The following SPAG16 variants were observed in gnomAD, a reference collection of about 807,000 sequenced individuals.
The protein encoded by SPAG16 is sperm associated antigen 16.
Under a neutral mutation model 80.4 loss-of-function variants are expected in SPAG16, and 86 were observed. The observed-to-expected ratio is 1.07, with a 90% CI of 0.90 to 1.28. SPAG16 has a LOEUF of 1.28. Ranked by LOEUF, SPAG16 falls within the 50% of genes most tolerant of loss-of-function variation. The probability of loss-of-function intolerance (pLI) is 0.00; values close to 1 mark genes in which losing one functional copy is unlikely to be tolerated. For synonymous variants in SPAG16, 294 were observed against 265.9 expected (o/e 1.11, Z -1.03); for missense variants, 870 against 765.3 (o/e 1.14, Z -1.61).
At chr2:214,063,782 C>A (rs909603567) in intron 13 of SPAG16, among the ~76,000 whole-genome samples, 1 of 152,024 alleles carries the variant, frequency 6.6e-6, no homozygotes, top group African/African-American at 2.4e-5. Flanking sequence ...TGAGGCCATG[C>A]CAGATTACTT....
intron 15 of SPAG16, among the ~76,000 whole-genome samples, chr2:214,166,772 G>A (rs1383873407): frequency 6.6e-6 from 1 of 152,100 alleles, no homozygotes; most frequent in African/African-American, 2.4e-5. Context: ...TCTGAGAAGT[G>A]TTTTGCCTTT....
At chr2:213,947,037 C>T (rs927711623) in intron 12 of SPAG16, among the ~76,000 whole-genome samples, 1 of 151,848 alleles carries the variant, frequency 6.6e-6, no homozygotes, top group South Asian at 2.1e-4. Flanking sequence ...TAGTTCCTTC[C>T]TTTTTATTGC....
chr2:213,804,213 G>A (rs1289120779), intron 10 of SPAG16, among the ~76,000 whole-genome samples: 2 of 152,170 alleles, frequency 1.3e-5, no homozygotes, highest in Non-Finnish European at 2.9e-5. Context: ...ACATAGTCAA[G>A]TAATTACACA....
At chr2:214,171,382 T>C (rs913581972) in intron 15 of SPAG16, among the ~76,000 whole-genome samples, 2 of 151,960 alleles carry the variant, frequency 1.3e-5, no homozygotes, top group African/African-American at 4.8e-5. Flanking sequence ...TTACAAAATA[T>C]ATTTTGTTGT....
chr2:214,149,252 A>G lies in SPAG16; in HGVS notation c.1706A>G (p.Asn569Ser). 1 of 1,574,060 alleles carries G rather than the reference A, an allele frequency of 6.4e-7. No homozygotes were observed. The highest frequency in any genetic ancestry group is 8.6e-7 in the Non-Finnish European group (1 of 1,160,460). ...GGTCCAAGTCCTGGCAATGAGGTGA[A>G]TTTTGATTCATCAGGTAGGATCATT... Reference protein sequence around the residue: ...DIGPSPGNEVNFDSSGRVLAQ... With the variant: ...DIGPSPGNEVSFDSSGRVLAQ... The change falls in exon 15 of 16, where the codon AAT (asparagine) becomes AGT (serine). Residue 569 changes from asparagine (N) to serine (S), a missense_variant. Physicochemically the swap from Asn to Ser is conservative, Grantham distance 46. Transcript: ENST00000331683.
In SPAG16 at chr2:214,165,779, G is replaced by C. The variant is rs149727898; in HGVS notation, c.1720+16513G>C. On this transcript the variant is annotated intron_variant, in intron 15 of 15. Transcript: ENST00000331683. ...AACCCCATCATATGTCAGTCAACCA[G>C]ATTAGCATACTGCTCCACTATTTTC... 2.0e-3 allele frequency among the ~76,000 whole-genome samples: 303 copies of C among 151,968 alleles called. 6 individuals are homozygous for C. The highest frequency in any genetic ancestry group is 0.017 in the Admixed American group (260 of 15,246).
intron 5 of SPAG16, among the ~76,000 whole-genome samples, chr2:213,323,942 A>G (rs1466344820): frequency 6.6e-6 from 1 of 152,186 alleles, no homozygotes; most frequent in African/African-American, 2.4e-5. Context: ...TCATAGAATC[A>G]GAGTAGAATG....
chr2:214,080,921 T>C (rs1394452699), intron 13 of SPAG16, among the ~76,000 whole-genome samples: 3 of 151,962 alleles, frequency 2.0e-5, no homozygotes, highest in African/African-American at 7.2e-5. Flanking sequence ...GAGTTTTCAA[T>C]TGAATAGGTG....
At chr2:213,605,776 A>C (rs2061238694) in intron 10 of SPAG16, among the ~76,000 whole-genome samples, 1 of 152,146 alleles carries the variant, frequency 6.6e-6, no homozygotes, top group South Asian at 2.1e-4. Context: ...GGTGTGAGCC[A>C]CCGCACCCAG....
intron 10 of SPAG16, among the ~76,000 whole-genome samples, chr2:213,552,339 T>A (rs943066307): frequency 6.6e-6 from 1 of 152,216 alleles, no homozygotes; most frequent in Admixed American, 6.5e-5. Flanking sequence ...AACAAATATC[T>A]ACTTTCTTCC....
chr2:214,379,009 G>C (rs1700294048), intron 15 of SPAG16, among the ~76,000 whole-genome samples: 1 of 152,134 alleles, frequency 6.6e-6, no homozygotes, highest in African/African-American at 2.4e-5. Flanking sequence ...CAGCACCTTG[G>C]CTCATCATAC....
intron 10 of SPAG16, among the ~76,000 whole-genome samples, chr2:213,542,660 A>T (rs2076488240): frequency 6.6e-6 from 1 of 152,180 alleles, no homozygotes; most frequent in African/African-American, 2.4e-5. Context: ...GAATTAAAAG[A>T]TGCAGAATAT....
At chr2:214,233,358 T>C (rs549321423) in intron 15 of SPAG16, among the ~76,000 whole-genome samples, 175 of 151,594 alleles carry the variant, frequency 1.2e-3, no homozygotes, top group South Asian at 5.4e-3. Context: ...ATGATGATGA[T>C]GATGATGATG....
intron 10 of SPAG16, among the ~76,000 whole-genome samples, chr2:213,657,848 T>C (rs1324600165): frequency 2.0e-5 from 3 of 152,104 alleles, no homozygotes; most frequent in Non-Finnish European, 4.4e-5. Context: ...AACAGAAGAA[T>C]GATTAGTAGA....
chr2:213,421,205 T>C (rs1334512634), intron 9 of SPAG16, among the ~76,000 whole-genome samples: 1 of 152,206 alleles, frequency 6.6e-6, no homozygotes, highest in Non-Finnish European at 1.5e-5. Flanking sequence ...CTGTTCCCAC[T>C]GTCTGGCCTT....
intron 10 of SPAG16, among the ~76,000 whole-genome samples, chr2:213,802,582 A>G (rs945349703): frequency 2.0e-5 from 3 of 152,126 alleles, no homozygotes; most frequent in African/African-American, 7.2e-5. Flanking sequence ...AAAAGCACCT[A>G]CCCTAATTCT....
intron 12 of SPAG16, among the ~76,000 whole-genome samples, chr2:213,996,328 G>A (rs1410910913): frequency 6.6e-6 from 1 of 152,088 alleles, no homozygotes; most frequent in Non-Finnish European, 1.5e-5. Flanking sequence ...TCTGATTTGT[G>A]CATTATGCAT....
At chr2:213,530,470 T>C (rs1051689939) in intron 10 of SPAG16, among the ~76,000 whole-genome samples, 1 of 152,190 alleles carries the variant, frequency 6.6e-6, no homozygotes, top group African/African-American at 2.4e-5. Flanking sequence ...CTTTGTAATT[T>C]TCTTTTTTCT....
intron 15 of SPAG16, among the ~76,000 whole-genome samples, chr2:214,228,376 A>G (rs1424754081): frequency 5.9e-5 from 9 of 151,958 alleles, no homozygotes; most frequent in Non-Finnish European, 1.3e-4. Flanking sequence ...TATCATGTTA[A>G]CATATTAAAA....
Sources: allele counts gnomAD v4.1 joint callset (sites outside exome capture counted in the v4.1 genomes callset), GRCh38; gene constraint gnomAD v4.1.1; transcripts MANE v1.5; gene names NCBI Gene and HGNC (gene_info 2026-07-23, HGNC 2026-07-21).